The following PLOD2 variants were observed in gnomAD, a reference collection of about 807,000 sequenced individuals.
PLOD2 encodes the protein procollagen-lysine,2-oxoglutarate 5-dioxygenase 2.
Under a neutral mutation model 101.0 loss-of-function variants are expected in PLOD2, and 65 were observed. The ratio of observed to expected loss-of-function variants is 0.64; its 90% CI spans 0.53 to 0.79. The LOEUF (loss-of-function observed/expected upper bound fraction) is 0.79, where lower values mean the gene tolerates loss of function less well. Among genes scored for constraint, PLOD2 ranks in the 30% least tolerant of loss-of-function variants. The pLI, the probability that PLOD2 is intolerant of heterozygous loss-of-function variation, is 0.00. For missense variants in PLOD2, 909 were observed against 914.6 expected (o/e 0.99, Z 0.08); for synonymous variants, 314 against 302.9 (o/e 1.04, Z -0.38).
At chr3:146,083,308 G>GA (rs1936628098) in intron 11 of PLOD2, among the ~76,000 whole-genome samples, 1 of 151,990 alleles carries the variant, frequency 6.6e-6, no homozygotes, top group African/African-American at 2.4e-5. Context: ...GAGAGAAGAG[G>GA]AAAAAAGAGA....
intron 7 of PLOD2, among the ~76,000 whole-genome samples, chr3:146,101,543 A>G (rs1445148774): frequency 6.6e-6 from 1 of 152,198 alleles, no homozygotes; most frequent in African/African-American, 2.4e-5. Flanking sequence ...GGGCTGAACA[A>G]TGTCCACTAC....
intron 5 of PLOD2, 112 bp from the exon 6 acceptor site, chr3:146,104,454 A>G: frequency 1.5e-6 from 1 of 664,866 alleles, no homozygotes; most frequent in Non-Finnish European, 2.7e-6. Context: ...ATATTCTTAT[A>G]TCTTAAGTGT....
chr3:146,121,060 T>C (rs2030100335), intron 3 of PLOD2, 52 bp downstream of exon 3: 7 of 1,361,020 alleles, frequency 5.1e-6, no homozygotes, highest in Non-Finnish European at 7.3e-6. Flanking sequence ...ATCTCAGCTC[T>C]TTAAAAAGTA....
chr3:146,137,899 T>G (rs1576622717), intron 1 of PLOD2, among the ~76,000 whole-genome samples: 1 of 152,146 alleles, frequency 6.6e-6, no homozygotes, highest in African/African-American at 2.4e-5. Context: ...AGGGCAACGA[T>G]AAATCACAGG....
intron 1 of PLOD2, among the ~76,000 whole-genome samples, chr3:146,131,092 CT>C (rs2030882695): frequency 6.6e-6 from 1 of 152,190 alleles, no homozygotes; most frequent in South Asian, 2.1e-4. Context: ...GTTATGGGCA[CT>C]GAATCTCTAA....
At chr3:146,142,746 C>T (rs764232735) in intron 1 of PLOD2, among the ~76,000 whole-genome samples, 4 of 151,974 alleles carry the variant, frequency 2.6e-5, no homozygotes, top group Non-Finnish European at 4.4e-5. Flanking sequence ...AAATAACAAA[C>T]GATAAAAGCT....
chr3:146,124,833 T>C (rs906738368), intron 1 of PLOD2, among the ~76,000 whole-genome samples: 1 of 152,190 alleles, frequency 6.6e-6, no homozygotes, highest in East Asian at 1.9e-4. Flanking sequence ...TTGGTTTCTC[T>C]TTAAAGAATA....
intron 2 of PLOD2, among the ~76,000 whole-genome samples, chr3:146,122,738 T>C (rs923754536): frequency 1.3e-5 from 2 of 152,154 alleles, no homozygotes; most frequent in Non-Finnish European, 2.9e-5. Context: ...ATACTTTATA[T>C]AGTTATTTGC....
In PLOD2 at chr3:146,088,640, T is replaced by C. The variant is rs1420933542; in HGVS notation, c.951A>G (p.Ile317Met). The change falls in exon 9 of 20, where the codon ATA becomes ATG. Residue 317 changes from isoleucine to methionine, a missense_variant. Transcript: ENST00000282903. The part of the protein sequence containing the change: ...PTPFLPRFLD[I>M]LLTLDYPKEA... ...CTTTTGGGTAATCCAGTGTCAACAA[T>C]ATGTCCAGAAACCGAGGTAGAAAAG... is the stretch of plus-strand genomic sequence containing the variant. The C allele has an allele frequency of 6.9e-6, 11 of 1,600,450 alleles. No individual in the cohort carries two copies. The highest frequency in any genetic ancestry group is 1.1e-5 in the South Asian group (1 of 90,732).
intron 5 of PLOD2, chr3:146,104,885 T>G (rs1396663816): frequency 6.5e-6 from 1 of 152,746 alleles, no homozygotes; most frequent in Admixed American, 6.5e-5. Flanking sequence ...ACATACGTTC[T>G]GATCAAAGTA....
At position 146,086,896 on chromosome 3, in the gene PLOD2, C is replaced by T. The variant is rs763602074; in HGVS notation, c.1018G>A (p.Glu340Lys). ...LFIHNKEVYHEKDIKVFFDKA... is the reference protein window; with the variant it reads ...LFIHNKEVYHKKDIKVFFDKA... Reference sequence around the variant, plus strand: ...TCAAAAAATACCTTGATGTCCTTTTCATGATAAACTTCCTGTAACATATTT... The same window carrying T: ...TCAAAAAATACCTTGATGTCCTTTTTATGATAAACTTCCTGTAACATATTT... The change falls in exon 10 of 20, where the codon GAA (glutamate) becomes AAA (lysine). Residue 340 changes from glutamate (E) to lysine (K), a missense_variant. Physicochemically the swap from Glu to Lys is moderately conservative, Grantham distance 56 (BLOSUM62 1). Coordinates refer to ENST00000282903, the MANE Select transcript of PLOD2 (RefSeq NM_182943.3). 2 of 1,501,218 alleles carry T rather than the reference C, an allele frequency of 1.3e-6. No homozygotes were observed. Among genetic ancestry groups the T allele is most frequent in the South Asian group, 2.4e-5 (2 of 82,566 alleles). The allele number at this position is 1,501,218 out of a possible 1,614,324, so 93.0% of individuals were successfully genotyped here. A position where few individuals can be genotyped will look rare whatever the true frequency, so the allele number is the denominator to read the frequency against.
intron 8 of PLOD2, among the ~76,000 whole-genome samples, chr3:146,090,330 T>C (rs1005337225): frequency 1.3e-5 from 2 of 151,526 alleles, no homozygotes; most frequent in African/African-American, 2.4e-5. Context: ...TTATGCATAA[T>C]GGAATGAATA....
intron 3 of PLOD2, among the ~76,000 whole-genome samples, chr3:146,117,721 T>C (rs929014259): frequency 3.9e-5 from 6 of 152,090 alleles, no homozygotes; most frequent in African/African-American, 1.2e-4. Context: ...TTTGTTTCCA[T>C]TATATATCCC....
Position 146,091,818 on chromosome 3 carries a change from G to T in PLOD2, c.861C>A (p.Val287=), listed in dbSNP as rs573318217. The part of the protein sequence containing the change: ...NGCTLCEFDT[V]DLSAVDVHPN... ...CACTTACATCTACTGCAGACAAGTC[G>T]ACTGTATCGAATTCACAAAGAGTGC... The change falls in exon 8 of 20, where the codon GTC becomes GTA. Residue 287 remains valine (V), a synonymous_variant. Coordinates refer to ENST00000282903, the MANE Select transcript of PLOD2 (RefSeq NM_182943.3). 1.3e-6 allele frequency: 2 copies of T among 1,589,640 alleles called. No individual in the cohort carries two copies.
Position 146,150,491 on chromosome 3 carries a change from C to T in PLOD2, c.109+10390G>A, listed in dbSNP as rs140448271. Among the ~76,000 whole-genome samples the T allele has an allele frequency of 4.0e-3, 603 of 152,010 alleles. 1 individual carries two copies. Among genetic ancestry groups the T allele is most frequent in the African/African-American group, 0.014 (579 of 41,482 alleles). ...AACACAGGAACAGAAATCCAAATAC[C>T]GAATATTCTCACTTATATGTGGAAG... On this transcript the variant is annotated intron_variant, in intron 1 of 19. Coordinates refer to ENST00000282903, the MANE Select transcript of PLOD2 (RefSeq NM_182943.3).
At chr3:146,143,084 G>A (rs528774346) in intron 1 of PLOD2, among the ~76,000 whole-genome samples, 26 of 152,198 alleles carry the variant, frequency 1.7e-4, no homozygotes, top group African/African-American at 6.0e-4. Context: ...CATCACAGCA[G>A]CTATTTTGGC....
chr3:146,151,842 A>C (rs1399720205), intron 1 of PLOD2, among the ~76,000 whole-genome samples: 1 of 152,208 alleles, frequency 6.6e-6, no homozygotes, highest in Non-Finnish European at 1.5e-5. Context: ...AACACAGACT[A>C]GCCAGTCAAT....
intron 3 of PLOD2, among the ~76,000 whole-genome samples, chr3:146,115,678 G>C (rs1937876152): frequency 6.6e-6 from 1 of 152,098 alleles, no homozygotes; most frequent in Non-Finnish European, 1.5e-5. Flanking sequence ...AAGACTGTCT[G>C]ACAAACTATT....
At chr3:146,094,753 G>A (rs1345242862) in intron 7 of PLOD2, among the ~76,000 whole-genome samples, 5 of 152,206 alleles carry the variant, frequency 3.3e-5, no homozygotes, top group South Asian at 2.1e-4. Flanking sequence ...AAAAGAGCCC[G>A]TATAGCCAAG....
Sources: gnomAD v4.1 joint callset for allele counts (sites outside exome capture counted in the v4.1 genomes callset) on GRCh38, gnomAD v4.1.1 for gene constraint, MANE v1.5 for transcripts, NCBI Gene and HGNC (gene_info 2026-07-23, HGNC 2026-07-21) for gene names.